Variants in UBXN7 observed in about 807,000 individuals in gnomAD.
The protein encoded by UBXN7 is UBX domain-containing protein 7.
UBXN7 carries 9 observed loss-of-function variants against 58.0 expected under a neutral mutation model. The ratio of observed to expected loss-of-function variants is 0.16; its 90% CI spans 0.09 to 0.27. The LOEUF is 0.27. Ranked by LOEUF, UBXN7 falls within the 10% of genes least tolerant of loss-of-function variation. The pLI is 1.00. For synonymous variants in UBXN7, 208 were observed against 205.0 expected, an observed-to-expected ratio of 1.01 and a Z score of -0.12; for missense variants, 328 against 599.6, an observed-to-expected ratio of 0.55 and a Z score of 4.73.
rs1728661522 is a variant in UBXN7, at chr3:196,366,237, C to G, written c.834+1791G>C. On this transcript the variant is annotated intron_variant, in intron 8 of 10. Coordinates refer to ENST00000296328, the MANE Select transcript of UBXN7 (RefSeq NM_015562.2). ...CTTCTAAAACTATTTTTAGGCTGGGCATGGTATGGTGGTTCATGCTTATAA... is the reference window on the plus strand; with the variant it reads ...CTTCTAAAACTATTTTTAGGCTGGGGATGGTATGGTGGTTCATGCTTATAA... Among the ~76,000 whole-genome samples the G allele has an allele frequency of 3.3e-5, 5 of 152,088 alleles. No homozygotes were observed. The South Asian group carries it at 1.0e-3, about 32-fold the overall frequency.
chr3:196,419,516 A>T (rs1730615120), intron 1 of UBXN7, among the ~76,000 whole-genome samples: 1 of 152,174 alleles, frequency 6.6e-6, no homozygotes, highest in Admixed American at 6.5e-5. Flanking sequence ...TTCTTAAACA[A>T]AGCCAAGCTA....
intron 2 of UBXN7, among the ~76,000 whole-genome samples, chr3:196,405,491 A>G (rs937897445): frequency 1.3e-5 from 2 of 151,830 alleles, no homozygotes; most frequent in Non-Finnish European, 2.9e-5. Context: ...AAGAAAAGAA[A>G]AAAAAAGAAA....
chr3:196,364,769 T>C (rs2108829187), intron 8 of UBXN7, among the ~76,000 whole-genome samples: 1 of 151,578 alleles, frequency 6.6e-6, no homozygotes, highest in East Asian at 1.9e-4. Flanking sequence ...CAATCTCAGC[T>C]CACTACTATC....
intron 1 of UBXN7, among the ~76,000 whole-genome samples, chr3:196,419,763 C>A (rs1560243749): frequency 6.6e-6 from 1 of 152,094 alleles, no homozygotes; most frequent in Non-Finnish European, 1.5e-5. Flanking sequence ...AAAACGTCCT[C>A]CAAAAGACTA....
chr3:196,401,195 T>C (rs1358411177), intron 3 of UBXN7, among the ~76,000 whole-genome samples: 1 of 130,816 alleles, frequency 7.6e-6, no homozygotes, highest in Non-Finnish European at 1.6e-5. Context: ...GCGGCTCACC[T>C]GAGCTCGGGA....
chr3:196,357,641 T>G (rs1728386776), intron 10 of UBXN7, among the ~76,000 whole-genome samples: 1 of 152,008 alleles, frequency 6.6e-6, no homozygotes, highest in Non-Finnish European at 1.5e-5. Flanking sequence ...GTGGCTCACC[T>G]GAGGTCAGAA....
At chr3:196,385,682 C>T (rs1207577619) in intron 5 of UBXN7, among the ~76,000 whole-genome samples, 1 of 151,670 alleles carries the variant, frequency 6.6e-6, no homozygotes, top group East Asian at 2.0e-4. Flanking sequence ...AGGAGCCCCT[C>T]TGCCCAGCAG....
intron 3 of UBXN7, among the ~76,000 whole-genome samples, chr3:196,402,024 T>C (rs1391053820): frequency 6.6e-6 from 1 of 152,016 alleles, no homozygotes; most frequent in African/African-American, 2.4e-5. Flanking sequence ...CTCAATTGTA[T>C]TTATTTATTT....
At chr3:196,401,274 A>AAAATAAAT (rs1553852955) in intron 3 of UBXN7, among the ~76,000 whole-genome samples, 1 of 36,882 alleles carries the variant, frequency 2.7e-5, no homozygotes, top group Non-Finnish European at 4.4e-5. Flanking sequence ...AAAAAAAAAA[A>AAAATAAAT]ATATATATAT....
chr3:196,372,999 T>C (rs557224238), intron 5 of UBXN7, among the ~76,000 whole-genome samples: 1 of 152,008 alleles, frequency 6.6e-6, no homozygotes, highest in East Asian at 1.9e-4. Context: ...GACGCACCCA[T>C]CTCAGCCTCC....
At position 196,381,249 on chromosome 3, in the gene UBXN7, C is replaced by T. The variant is rs544587666; in HGVS notation, c.469-9207G>A. Reference sequence around the variant, plus strand: ...AGTAGGGGCCGACAGACACCTCATACAGGCGGCTGCCCCTCTGGGACGAAG... The same window carrying T: ...AGTAGGGGCCGACAGACACCTCATATAGGCGGCTGCCCCTCTGGGACGAAG... On this transcript the variant is annotated intron_variant, in intron 5 of 10. Transcript: ENST00000296328. 4.6e-5 allele frequency among the ~76,000 whole-genome samples: 7 copies of T among 152,324 alleles called. No individual in the cohort carries two copies. In the East Asian group the frequency reaches 1.4e-3, roughly 29 times the overall value.
At chr3:196,371,614 TG>T (rs1728834127) in intron 6 of UBXN7, among the ~76,000 whole-genome samples, 1 of 152,076 alleles carries the variant, frequency 6.6e-6, no homozygotes, top group Non-Finnish European at 1.5e-5. Flanking sequence ...CCCGAGTAGC[TG>T]GGATTACAGG....
rs535374793 is a variant in UBXN7 at position 196,369,915 on chromosome 3, A to G, written c.616-404T>C. On this transcript the variant is annotated intron_variant, in intron 6 of 10. Transcript: ENST00000296328. ...TAGGAGGCCGAGGCGAGTGGATCAC[A>G]AGGTCAGGAGATTGAGACCATCCTG... 6.6e-5 allele frequency among the ~76,000 whole-genome samples: 10 copies of G among 152,094 alleles called. No homozygotes were observed. In the South Asian group the frequency reaches 2.1e-3, roughly 32 times the overall value.
At chr3:196,391,257 C>CCG (rs1395036112) in intron 5 of UBXN7, among the ~76,000 whole-genome samples, 24 of 152,200 alleles carry the variant, frequency 1.6e-4, no homozygotes, top group African/African-American at 4.6e-4. Flanking sequence ...TAAAATGACA[C>CCG]CGCACAAGGC....
intron 3 of UBXN7, among the ~76,000 whole-genome samples, chr3:196,395,248 A>T (rs930870570): frequency 1.3e-5 from 2 of 152,202 alleles, no homozygotes; most frequent in African/African-American, 4.8e-5. Context: ...ATTACATAGG[A>T]TAATTCTTTA....
chr3:196,374,987 G>GAAGGAAGGAAGA (rs1216940804), intron 5 of UBXN7, among the ~76,000 whole-genome samples: 6 of 54,960 alleles, frequency 1.1e-4, no homozygotes, highest in Non-Finnish European at 2.6e-4. Flanking sequence ...AGGAAGGAAG[G>GAAGGAAGGAAGA]GAGGGAGGGA....
At chr3:196,424,560 C>T (rs2108626463) in intron 1 of UBXN7, among the ~76,000 whole-genome samples, 1 of 151,306 alleles carries the variant, frequency 6.6e-6, no homozygotes, top group South Asian at 2.1e-4. Context: ...TTTTTTTTTA[C>T]TTTTTGTAGA....
At chr3:196,417,723 TTAAAAAAAAAAAAA>T (rs1264355265) in intron 1 of UBXN7, among the ~76,000 whole-genome samples, 6 of 78,438 alleles carry the variant, frequency 7.6e-5, no homozygotes, top group African/African-American at 3.1e-4. Flanking sequence ...GGCAAAATGG[TTAAAAAAAAAAAAA>T]AAAAAAAAAA....
At chr3:196,367,623 C>CA (rs569943272) in intron 8 of UBXN7, among the ~76,000 whole-genome samples, 1 of 152,116 alleles carries the variant, frequency 6.6e-6, no homozygotes, top group Non-Finnish European at 1.5e-5. Context: ...ACAAAACACA[C>CA]AAAAAAACCA....
Sources: gnomAD v4.1 joint callset for allele counts (sites outside exome capture counted in the v4.1 genomes callset) on GRCh38, gnomAD v4.1.1 for gene constraint, MANE v1.5 for transcripts, NCBI Gene and HGNC (gene_info 2026-07-23, HGNC 2026-07-21) for gene names.